The following TMEM132D variants were observed in gnomAD, a reference collection of about 807,000 sequenced individuals.
TMEM132D encodes transmembrane protein 132D.
A neutral mutation model predicts 62.3 loss-of-function variants in TMEM132D; 21 were observed. The observed-to-expected ratio is 0.34, with a 90% CI of 0.24 to 0.49. The LOEUF is 0.49. Ranked by LOEUF, TMEM132D falls within the 20% of genes least tolerant of loss-of-function variation. The pLI, the probability that TMEM132D is intolerant of heterozygous loss-of-function variation, is 0.99. For synonymous variants in TMEM132D, 621 were observed against 575.6 expected, an observed-to-expected ratio of 1.08 and a Z score of -1.13; for missense variants, 1,346 against 1,402.8, an observed-to-expected ratio of 0.96 and a Z score of 0.65.
chr12:129,739,161 G>C (rs1038505612), intron 1 of TMEM132D, among the ~76,000 whole-genome samples: 1 of 152,180 alleles, frequency 6.6e-6, no homozygotes, highest in Non-Finnish European at 1.5e-5. Context: ...TGAGGAGGTG[G>C]GTGGGTTATG....
intron 1 of TMEM132D, among the ~76,000 whole-genome samples, chr12:129,723,422 A>T (rs559692606): frequency 6.6e-6 from 1 of 152,226 alleles, no homozygotes; most frequent in East Asian, 1.9e-4. Context: ...TCCTCTATTG[A>T]TGCATCACCC....
intron 4 of TMEM132D, among the ~76,000 whole-genome samples, chr12:129,242,376 T>G (rs1256972106): frequency 1.3e-5 from 2 of 152,268 alleles, no homozygotes; most frequent in Non-Finnish European, 2.9e-5. Flanking sequence ...ACCATTTTTA[T>G]GTCTACGTAG....
chr12:129,710,887 G>A (rs1031035655), intron 1 of TMEM132D, among the ~76,000 whole-genome samples: 5 of 146,922 alleles, frequency 3.4e-5, no homozygotes, highest in Admixed American at 6.7e-5. Flanking sequence ...CGCATTCCCC[G>A]GCTGTGTTCA....
At chr12:129,144,087 C>T (rs1307928714) in intron 5 of TMEM132D, among the ~76,000 whole-genome samples, 1 of 152,070 alleles carries the variant, frequency 6.6e-6, no homozygotes, top group Non-Finnish European at 1.5e-5. Context: ...ATGTTACATC[C>T]TCCCCCACTT....
At chr12:129,802,710 G>C (rs1022119567) in intron 1 of TMEM132D, among the ~76,000 whole-genome samples, 2 of 150,616 alleles carry the variant, frequency 1.3e-5, no homozygotes, top group South Asian at 4.3e-4. Flanking sequence ...AATGTAAATG[G>C]ACTAAATGCT....
intron 5 of TMEM132D, among the ~76,000 whole-genome samples, chr12:129,130,658 G>A (rs921266156): frequency 1.3e-5 from 2 of 152,162 alleles, no homozygotes; most frequent in Admixed American, 1.3e-4. Context: ...GTCAGGCAGT[G>A]GGACACACTA....
At chr12:129,422,590 G>A (rs1030711469) in intron 3 of TMEM132D, among the ~76,000 whole-genome samples, 1 of 152,114 alleles carries the variant, frequency 6.6e-6, no homozygotes, top group Admixed American at 6.5e-5. Context: ...ACAATGTCAG[G>A]CAAATAAATT....
intron 3 of TMEM132D, among the ~76,000 whole-genome samples, chr12:129,496,852 CTT>C (rs1874974230): frequency 6.6e-6 from 1 of 152,220 alleles, no homozygotes; most frequent in Admixed American, 6.5e-5. Flanking sequence ...CCTCCGCCCT[CTT>C]TTGCACCCAG....
At chr12:129,730,303 G>T (rs533182630) in intron 1 of TMEM132D, among the ~76,000 whole-genome samples, 1 of 152,168 alleles carries the variant, frequency 6.6e-6, no homozygotes, top group Non-Finnish European at 1.5e-5. Context: ...TAATTTGTAT[G>T]CTGTACCTCC....
chr12:129,710,043 A>T (rs1881603452), intron 1 of TMEM132D, among the ~76,000 whole-genome samples: 1 of 152,226 alleles, frequency 6.6e-6, no homozygotes, highest in Non-Finnish European at 1.5e-5. Flanking sequence ...GGACAAAAGA[A>T]ATGTGAAAAG....
chr12:129,540,842 C>T (rs138486477), intron 2 of TMEM132D, among the ~76,000 whole-genome samples: 10 of 152,250 alleles, frequency 6.6e-5, no homozygotes, highest in Non-Finnish European at 1.3e-4. Flanking sequence ...ATTATGCTGC[C>T]CAGGCTGGGT....
chr12:129,402,202 C>T (rs1871643940), intron 3 of TMEM132D, among the ~76,000 whole-genome samples: 2 of 152,136 alleles, frequency 1.3e-5, no homozygotes, highest in Non-Finnish European at 2.9e-5. Context: ...GAGAGAAAGA[C>T]GGGGAACTCT....
At position 129,221,995 on chromosome 12, in the gene TMEM132D, A is replaced by G. The variant is rs1176820842; in HGVS notation, c.1300-12332T>C. ...AGTGCAGAGTATCAGTCAAATTGGC[A>G]CCTGCATTGCAAATAGATTTATAAA... is the stretch of plus-strand genomic sequence containing the variant. On this transcript the variant is annotated intron_variant, in intron 4 of 8. Coordinates refer to ENST00000422113, the MANE Select transcript of TMEM132D (RefSeq NM_133448.3). Among the ~76,000 whole-genome samples the G allele has an allele frequency of 3.3e-5, 5 of 152,170 alleles. No individual in the cohort carries two copies. In the East Asian group the frequency reaches 9.6e-4, roughly 29 times the overall value.
intron 2 of TMEM132D, among the ~76,000 whole-genome samples, chr12:129,561,628 A>T (rs155704): frequency 0.86 from 130,448 of 152,214 alleles, 55,980 homozygotes; most frequent in East Asian, 0.95. Flanking sequence ...TTAAGGGCTG[A>T]GGTTTTCAAC....
intron 3 of TMEM132D, among the ~76,000 whole-genome samples, chr12:129,352,759 C>G (rs2135669240): frequency 6.6e-6 from 1 of 152,126 alleles, no homozygotes; most frequent in Non-Finnish European, 1.5e-5. Context: ...GGTTAGGAAA[C>G]AATAGATGTT....
Position 129,846,671 on chromosome 12 carries a change from T to C in TMEM132D, c.79+56590A>G, listed in dbSNP as rs1873372916. On this transcript the variant is annotated intron_variant, in intron 1 of 8. Transcript: ENST00000422113. ...TTGGAAAATTCTCTGTTTCTCTCTTTCATCTTTGCTCTTGAGAATATATTC... is the reference window on the plus strand; with the variant it reads ...TTGGAAAATTCTCTGTTTCTCTCTTCCATCTTTGCTCTTGAGAATATATTC... 3.3e-5 allele frequency among the ~76,000 whole-genome samples: 5 copies of C among 152,226 alleles called. No homozygotes were observed. In the South Asian group the frequency reaches 1.0e-3, roughly 32 times the overall value.
chr12:129,299,575 C>T (rs1027826941), intron 4 of TMEM132D, among the ~76,000 whole-genome samples: 1 of 150,770 alleles, frequency 6.6e-6, no homozygotes, highest in Non-Finnish European at 1.5e-5. Flanking sequence ...TGTGACAATT[C>T]ATGGGAGAGC....
chr12:129,631,016 A>G (rs1879333456), intron 2 of TMEM132D, among the ~76,000 whole-genome samples: 1 of 152,148 alleles, frequency 6.6e-6, no homozygotes, highest in African/African-American at 2.4e-5. Flanking sequence ...TCCATGACAG[A>G]CTGGATAAAG....
chr12:129,233,703 T>C (rs1045175678), intron 4 of TMEM132D, among the ~76,000 whole-genome samples: 8 of 152,266 alleles, frequency 5.3e-5, no homozygotes, highest in African/African-American at 1.4e-4. Context: ...CTCAGCTCAC[T>C]GCAACCTTTG....
Sources: gnomAD v4.1 joint callset for allele counts (sites outside exome capture counted in the v4.1 genomes callset) on GRCh38, gnomAD v4.1.1 for gene constraint, MANE v1.5 for transcripts, NCBI Gene and HGNC (gene_info 2026-07-23, HGNC 2026-07-21) for gene names.